WWTR1: variants seen among roughly 807,000 people sequenced by gnomAD.
The protein encoded by WWTR1 is WW domain-containing transcription regulator protein 1.
In WWTR1, 13 loss-of-function variants were observed where a neutral mutation model predicts 40.1. That is an observed-to-expected ratio of 0.32 (90% CI 0.21 to 0.52). The LOEUF is 0.52. Ranked by LOEUF, WWTR1 falls within the 20% of genes least tolerant of loss-of-function variation. The pLI is 0.97. For missense variants in WWTR1, 436 were observed against 523.1 expected (o/e 0.83, Z 1.63); for synonymous variants, 230 against 210.1 (o/e 1.09, Z -0.82).
chr3:149,678,912 C>A (rs955123205), intron 1 of WWTR1, among the ~76,000 whole-genome samples: 1 of 151,210 alleles, frequency 6.6e-6, no homozygotes. Context: ...CTCACTGCAA[C>A]CTCCGCCTCC....
intron 2 of WWTR1, among the ~76,000 whole-genome samples, chr3:149,597,532 T>C (rs1464981507): frequency 1.3e-5 from 2 of 151,608 alleles, no homozygotes; most frequent in Non-Finnish European, 2.9e-5. Flanking sequence ...GAAGTCCCAG[T>C]GCCTCGAGAG....
At chr3:149,645,173 A>G (rs572442738) in intron 2 of WWTR1, among the ~76,000 whole-genome samples, 16 of 151,206 alleles carry the variant, frequency 1.1e-4, no homozygotes, top group Non-Finnish European at 1.3e-4. Flanking sequence ...TCTGCCTCCC[A>G]GGTTCGCGCC....
intron 2 of WWTR1, among the ~76,000 whole-genome samples, chr3:149,592,773 T>C (rs964658896): frequency 1.3e-5 from 2 of 152,224 alleles, no homozygotes; most frequent in African/African-American, 2.4e-5. Context: ...TAGTGTGCTT[T>C]CGAAATAAAG....
At chr3:149,540,078 C>G in intron 4 of WWTR1, 1 of 221,656 alleles carries the variant, frequency 4.5e-6, no homozygotes. Context: ...CTCCTCCTAA[C>G]TACACACACA....
intron 2 of WWTR1, among the ~76,000 whole-genome samples, chr3:149,602,197 G>C (rs915720602): frequency 4.6e-5 from 7 of 152,118 alleles, no homozygotes; most frequent in African/African-American, 1.7e-4. Flanking sequence ...GGGCTAAGAG[G>C]AAATGTTAAG....
chr3:149,587,888 C>T (rs149278962), intron 2 of WWTR1, among the ~76,000 whole-genome samples: 134 of 152,224 alleles, frequency 8.8e-4, no homozygotes, highest in African/African-American at 2.9e-3. Flanking sequence ...TGAAAACTTA[C>T]GGCGGGTTAT....
intron 1 of WWTR1, among the ~76,000 whole-genome samples, chr3:149,695,794 A>AAATATAT (rs1553735126): frequency 7.1e-6 from 1 of 140,756 alleles, no homozygotes; most frequent in East Asian, 2.1e-4. Context: ...AAAAGAAAAA[A>AAATATAT]ATATATATAT....
At chr3:149,720,954 G>A (rs997003785) in intron 4 of WWTR1, among the ~76,000 whole-genome samples, 2 of 151,974 alleles carry the variant, frequency 1.3e-5, no homozygotes, top group Non-Finnish European at 2.9e-5. Flanking sequence ...ACTGATTTTT[G>A]TGTGTTGACT....
At chr3:149,724,484 A>AC (rs1467499067) in intron 3 of WWTR1, among the ~76,000 whole-genome samples, 5 of 123,230 alleles carry the variant, frequency 4.1e-5, no homozygotes, top group Non-Finnish European at 8.5e-5. Flanking sequence ...CGTCCACCCT[A>AC]CCCCCCAGAC....
upstream of WWTR1, among the ~76,000 whole-genome samples, chr3:149,662,516 A>C (rs1024792665): frequency 6.6e-6 from 1 of 152,118 alleles, no homozygotes; most frequent in Non-Finnish European, 1.5e-5. Flanking sequence ...ACATCCAATC[A>C]GCGGCAAATG....
rs552969605 is a variant in WWTR1, at chr3:149,712,412, A to AT, written n.584+5029dup. 3.6e-4 allele frequency among the ~76,000 whole-genome samples: 55 copies of AT among 152,132 alleles called. 1 individual carries two copies. The highest frequency in any genetic ancestry group is 4.9e-4 in the Non-Finnish European group (33 of 68,012). ...AAAAATTATCATTTCTCTAAATCAG[A>AT]TTTTTTCTATAGCTGTGGCTCTCTC... On this transcript the variant is annotated intron_variant and non_coding_transcript_variant, in intron 5 of 6. Transcript: ENST00000474080.
chr3:149,658,208 T>C (rs1006913652), upstream of WWTR1: 2 of 152,720 alleles, frequency 1.3e-5, no homozygotes, highest in African/African-American at 4.8e-5. Context: ...ATGGGTACTT[T>C]ACTGGGTAAG....
At chr3:149,593,285 T>C (rs1422023140) in intron 2 of WWTR1, among the ~76,000 whole-genome samples, 3 of 152,192 alleles carry the variant, frequency 2.0e-5, no homozygotes, top group Non-Finnish European at 4.4e-5. Flanking sequence ...TCTGGTGGCT[T>C]TTGTCTCCAC....
At position 149,656,968 on chromosome 3, in the gene WWTR1, G is replaced by T; in HGVS notation, c.339C>A (p.Leu113=). The T allele has an allele frequency of 6.3e-7, 1 of 1,597,886 alleles. No homozygotes were observed. The change falls in exon 2 of 7, where the codon CTC becomes CTA. Residue 113 remains leucine, a synonymous_variant. Coordinates refer to ENST00000360632, the MANE Select transcript of WWTR1 (RefSeq NM_015472.6). ...CGGTCACGTCGTAGGACTGCTGGCG[G>T]AGGTGCGCGTGCTGCTGCGCGGGGC... is the stretch of plus-strand genomic sequence containing the variant. The part of the protein sequence containing the change: ...AGSPAQQHAH[L]RQQSYDVTDE...
chr3:149,718,359 C>CGTG (rs1553737511), intron 4 of WWTR1, among the ~76,000 whole-genome samples: 1 of 152,214 alleles, frequency 6.6e-6, no homozygotes, highest in African/African-American at 2.4e-5. Flanking sequence ...CATTCAGCCA[C>CGTG]ATGCCATGAG....
At chr3:149,657,378 G>A in intron 1 of WWTR1, 69 bp from the exon 2 acceptor site, 1 of 1,473,062 alleles carries the variant, frequency 6.8e-7, no homozygotes, top group Non-Finnish European at 9.1e-7. Context: ...GTTACAGGGT[G>A]AGAGGGCGAG....
At chr3:149,707,154 G>A (rs1057212983), upstream of WWTR1, among the ~76,000 whole-genome samples, 14 of 152,274 alleles carry the variant, frequency 9.2e-5, no homozygotes, top group Admixed American at 2.0e-4. Flanking sequence ...TTATGCAAAT[G>A]GAAAAGCAAG....
At position 149,636,771 on chromosome 3, in the gene WWTR1, A is replaced by T. The variant is rs1428678188; in HGVS notation, c.431+20105T>A. Among the ~76,000 whole-genome samples the T allele has an allele frequency of 2.0e-5, 3 of 152,088 alleles. No homozygotes were observed. In the South Asian group the frequency reaches 6.2e-4, roughly 32 times the overall value. Reference sequence around the variant, plus strand: ...AAAGTTAAATGAATCCCTACTATGCATGCCATGCTTTGGGCCAGGCATTAG... The same window carrying T: ...AAAGTTAAATGAATCCCTACTATGCTTGCCATGCTTTGGGCCAGGCATTAG... On this transcript the variant is annotated intron_variant, in intron 2 of 6. Coordinates refer to ENST00000360632, the MANE Select transcript of WWTR1 (RefSeq NM_015472.6).
Position 149,656,952 on chromosome 3 carries a change from C to G in WWTR1, c.355G>C (p.Asp119His). The G allele has an allele frequency of 6.3e-7, 1 of 1,593,648 alleles. No homozygotes were observed. The highest frequency in any genetic ancestry group is 8.5e-7 in the Non-Finnish European group (1 of 1,173,656). ...GGCAGTGGCAGCTCGTCGGTCACGT[C>G]GTAGGACTGCTGGCGGAGGTGCGCG... The part of the protein sequence containing the change: ...QHAHLRQQSY[D>H]VTDELPLPPG... Residue 119 changes from aspartate to histidine, a missense_variant, in exon 2 of 7, where the codon GAC becomes CAC. Asp to His is a moderately conservative substitution (Grantham distance 81). Transcript: ENST00000360632.
Sources: gnomAD v4.1 joint callset for allele counts (sites outside exome capture counted in the v4.1 genomes callset) on GRCh38, gnomAD v4.1.1 for gene constraint, MANE v1.5 for transcripts, NCBI Gene and HGNC (gene_info 2026-07-23, HGNC 2026-07-21) for gene names.